Variants in ZNF638 observed in about 807,000 individuals in gnomAD.
The protein encoded by ZNF638 is zinc finger protein 638, also known as CTCL tumor antigen se33-1.
In ZNF638, 46 loss-of-function variants were observed where a neutral mutation model predicts 195.6. The ratio of observed to expected loss-of-function variants is 0.24; its 90% CI spans 0.19 to 0.30. The LOEUF is 0.30. ZNF638 is among the 10% of genes least tolerant of loss of function. The probability of loss-of-function intolerance (pLI) is 1.00; values close to 1 mark genes in which losing one functional copy is unlikely to be tolerated. For missense variants in ZNF638, 2,440 were observed against 2,325.3 expected (o/e 1.05, Z -1.01); for synonymous variants, 845 against 772.0 (o/e 1.09, Z -1.57).
At chr2:71,388,668 C>T (rs1360619549) in intron 10 of ZNF638, 2 of 1,020,538 alleles carry the variant, frequency 2.0e-6, no homozygotes, top group South Asian at 2.5e-5. Flanking sequence ...GTGAGGAACA[C>T]TGCAAGGGAT....
chr2:71,343,163 TACTG>T (rs2078791083), intron 1 of ZNF638, among the ~76,000 whole-genome samples: 1 of 152,228 alleles, frequency 6.6e-6, no homozygotes, highest in African/African-American at 2.4e-5. Flanking sequence ...CTTGTTATAA[TACTG>T]ACAAACGTTA....
chr2:71,352,244 G>A (rs1252053991), intron 2 of ZNF638, among the ~76,000 whole-genome samples: 3 of 152,120 alleles, frequency 2.0e-5, no homozygotes, highest in African/African-American at 4.8e-5. Context: ...TTGGGAGGCC[G>A]AGACAGGTGG....
intron 26 of ZNF638, 102 bp from the exon 27 acceptor site, chr2:71,433,063 G>T: frequency 1.0e-6 from 1 of 959,434 alleles, no homozygotes; most frequent in Non-Finnish European, 1.6e-6. Context: ...CTCCAACCTG[G>T]ATGACAGAGT....
At chr2:71,362,137 C>T (rs1161489229) in intron 3 of ZNF638, among the ~76,000 whole-genome samples, 1 of 152,144 alleles carries the variant, frequency 6.6e-6, no homozygotes, top group Non-Finnish European at 1.5e-5. Flanking sequence ...TTTTCTTAGG[C>T]TTCTATGATA....
intron 10 of ZNF638, among the ~76,000 whole-genome samples, chr2:71,384,925 C>CT (rs11438320): frequency 0.26 from 39,972 of 152,100 alleles, 6,913 homozygotes; most frequent in African/African-American, 0.49. Flanking sequence ...AATAAAAGCC[C>CT]TTTGCTCACC....
At chr2:71,389,966 G>A (rs2079737197) in intron 10 of ZNF638, among the ~76,000 whole-genome samples, 1 of 152,012 alleles carries the variant, frequency 6.6e-6, no homozygotes, top group African/African-American at 2.4e-5. Context: ...CCAAAATATT[G>A]GCCATGGCAA....
At chr2:71,357,884 G>C (rs1385380835) in intron 3 of ZNF638, among the ~76,000 whole-genome samples, 1 of 75,512 alleles carries the variant, frequency 1.3e-5, no homozygotes, top group Non-Finnish European at 2.7e-5. Context: ...CAAATTGAAA[G>C]ATTGTGGGAA....
intron 15 of ZNF638, 22 bp from the exon 16 acceptor site, chr2:71,401,934 G>T: frequency 2.6e-6 from 4 of 1,541,850 alleles, no homozygotes; most frequent in Non-Finnish European, 3.5e-6. Context: ...TTAATAACAG[G>T]TTTTAAAAAT....
intron 20 of ZNF638, among the ~76,000 whole-genome samples, chr2:71,410,408 A>C (rs2080190547): frequency 1.3e-5 from 2 of 148,700 alleles, no homozygotes; most frequent in Non-Finnish European, 1.5e-5. Context: ...ATGGGGTCTC[A>C]TTGTGTTGCC....
chr2:71,397,835 T>TA (rs2079926518), intron 11 of ZNF638, among the ~76,000 whole-genome samples: 2 of 152,196 alleles, frequency 1.3e-5, no homozygotes, highest in East Asian at 3.9e-4. Context: ...TAGGCCATAG[T>TA]AATAGATAAT....
chr2:71,428,616 C>T lies in ZNF638; in HGVS notation c.5615C>T (p.Pro1872Leu). ...TCAGAAAAAGCTGTTGTGACAGAAC[C>T]AGCAAAAGGTGAAGAGGCCTTCCAG... ...LPSEKAVVTE[P>L]AKGEEAFQMS... The change falls in exon 25 of 28, where the codon CCA becomes CTA. Residue 1872 changes from proline to leucine, a missense_variant. Around this residue, in one of 5 missense-constraint regions of ZNF638, gnomAD observed 1,883 missense variants for 1,739.1 expected, o/e 1.08. Transcript: ENST00000264447. 6.2e-7 allele frequency: 1 copy of T among 1,613,892 alleles called. No homozygotes were observed. Among genetic ancestry groups the T allele is most frequent in the African/African-American group, 1.3e-5 (1 of 75,006 alleles).
intron 1 of ZNF638, among the ~76,000 whole-genome samples, chr2:71,344,327 G>C (rs2078815884): frequency 6.6e-6 from 1 of 152,170 alleles, no homozygotes; most frequent in Admixed American, 6.5e-5. Context: ...TGAAAATACA[G>C]ATGTACTATA....
At position 71,386,306 on chromosome 2, in the gene ZNF638, A is replaced by G. The variant is rs1256464347; in HGVS notation, c.2377+5741A>G. Among the ~76,000 whole-genome samples, 3 of 151,714 alleles carry G rather than the reference A, an allele frequency of 2.0e-5. No individual in the cohort carries two copies. The East Asian group carries it at 5.8e-4, about 29-fold the overall frequency. ...GAGACCTTGTCTCAAAAAAAAAAAAAAAAAAAAAAAAGTTTCTTAAATTTA... is the reference window on the plus strand; with the variant it reads ...GAGACCTTGTCTCAAAAAAAAAAAAGAAAAAAAAAAAGTTTCTTAAATTTA... On this transcript the variant is annotated intron_variant, in intron 10 of 27. Coordinates refer to ENST00000264447, the MANE Select transcript of ZNF638 (RefSeq NM_014497.5).
At chr2:71,377,780 C>T (rs182231273) in intron 8 of ZNF638, among the ~76,000 whole-genome samples, 2 of 152,262 alleles carry the variant, frequency 1.3e-5, no homozygotes, top group East Asian at 1.9e-4. Flanking sequence ...AAGAGGACAT[C>T]ATTTAAATTC....
chr2:71,403,118 A>G (rs1020993224), intron 16 of ZNF638, among the ~76,000 whole-genome samples: 12 of 152,186 alleles, frequency 7.9e-5, no homozygotes, highest in Non-Finnish European at 4.4e-5. Flanking sequence ...TAATGAAAAT[A>G]CTTTAAACAT....
chr2:71,349,860 G>T lies in ZNF638; in HGVS notation c.906G>T (p.Gln302His). 1 of 1,614,198 alleles carries T rather than the reference G, an allele frequency of 6.2e-7. No individual in the cohort carries two copies. Among genetic ancestry groups the T allele is most frequent in the Non-Finnish European group, 8.5e-7 (1 of 1,180,048 alleles). Residue 302 changes from glutamine to histidine, a missense_variant, in exon 2 of 28, where the codon CAG (glutamine) becomes CAT (histidine). Transcript: ENST00000264447. ...KMSGLHISGG[Q>H]SVLEPIKSVN... is the part of the protein sequence containing the mutation. ...CAGGCTTACACATTTCAGGAGGACA[G>T]TCAGTCCTTGAACCCATAAAATCCG...
intron 8 of ZNF638, among the ~76,000 whole-genome samples, chr2:71,373,376 A>G (rs1179860101): frequency 6.8e-6 from 1 of 147,734 alleles, no homozygotes; most frequent in Non-Finnish European, 1.5e-5. Context: ...TTTGCATTGT[A>G]TGTAAGAAGT....
Position 71,331,819 on chromosome 2 carries a change from G to A in ZNF638, c.-259G>A, listed in dbSNP as rs996843418. ...GTTTTCGGCGTCGAGACTGGAGGCT[G>A]AGTGCTAAACTGTGTGGGGCGCGGA... On this transcript the variant is annotated 5_prime_UTR_variant, in exon 1 of 28. Coordinates refer to ENST00000264447, the MANE Select transcript of ZNF638 (RefSeq NM_014497.5). 1 of 986,092 alleles carries A rather than the reference G, an allele frequency of 1.0e-6. No homozygotes were observed. The highest frequency in any genetic ancestry group is 1.2e-6 in the Non-Finnish European group (1 of 830,226). The allele number at this position is 986,092 out of a possible 1,614,324, so 61.1% of individuals were successfully genotyped here. A position where few individuals can be genotyped will look rare whatever the true frequency, so the allele number is the denominator to read the frequency against.
chr2:71,336,241 A>C (rs1003543996), intron 1 of ZNF638, among the ~76,000 whole-genome samples: 1 of 151,946 alleles, frequency 6.6e-6, no homozygotes, highest in Non-Finnish European at 1.5e-5. Flanking sequence ...GTGGTGGTGC[A>C]TGTCTGTAAT....
Sources: gnomAD v4.1 joint callset for allele counts (sites outside exome capture counted in the v4.1 genomes callset) on GRCh38, gnomAD v4.1.1 for gene constraint, gnomAD v4.1.1 regional missense constraint, MANE v1.5 for transcripts, NCBI Gene and HGNC (gene_info 2026-07-23, HGNC 2026-07-21) for gene names.